The following UBE2D2 variants were observed in gnomAD, a reference collection of about 807,000 sequenced individuals.
The protein encoded by UBE2D2 is ubiquitin-conjugating enzyme E2 D2.
In UBE2D2, 2 loss-of-function variants were observed where a neutral mutation model predicts 24.2. The ratio of observed to expected loss-of-function variants is 0.08; its 90% confidence interval spans 0.03 to 0.26. The LOEUF is 0.26. Ranked by LOEUF, UBE2D2 falls within the 10% of genes least tolerant of loss-of-function variation. The pLI is 1.00. For missense variants in UBE2D2, 44 were observed against 177.6 expected (o/e 0.25, Z 4.28); for synonymous variants, 58 against 56.5 (o/e 1.03, Z -0.12).
At chr5:139,562,488 C>A (rs541080945) in intron 1 of UBE2D2, 14 of 1,242,798 alleles carry the variant, frequency 1.1e-5, no homozygotes, top group Middle Eastern at 2.2e-4. Context: ...GAAACTAACA[C>A]TTCCGTTTTG....
In UBE2D2 at chr5:139,541,316, G is replaced by A. The variant is rs117564055; in HGVS notation, c.-64+14704G>A. 1.8e-3 allele frequency among the ~76,000 whole-genome samples: 264 copies of A among 147,298 alleles called. 2 individuals are homozygous for A. In the East Asian group the frequency reaches 0.046, roughly 26 times the overall value. On this transcript the variant is annotated intron_variant, in intron 1 of 6. Transcript: ENST00000511725. ...CTGTTTCGAAGAAAAAAAAAAAGCG[G>A]GGGGACCGGGCATGGTGGCTCACGC...
chr5:139,533,295 G>T (rs1165537551), intron 1 of UBE2D2, among the ~76,000 whole-genome samples: 2 of 151,750 alleles, frequency 1.3e-5, no homozygotes, highest in African/African-American at 4.8e-5. Context: ...TCATTGAATT[G>T]TACACCTAAA....
chr5:139,547,408 G>A (rs1255756485), intron 1 of UBE2D2, among the ~76,000 whole-genome samples: 3 of 152,148 alleles, frequency 2.0e-5, no homozygotes, highest in Non-Finnish European at 4.4e-5. Context: ...TAGAGACGCG[G>A]TTTCACCATA....
At chr5:139,614,156 T>C (rs1173178066) in intron 2 of UBE2D2, among the ~76,000 whole-genome samples, 1 of 152,154 alleles carries the variant, frequency 6.6e-6, no homozygotes, top group Non-Finnish European at 1.5e-5. Flanking sequence ...AAAGTAGAAC[T>C]GTAAGCCTTG....
At chr5:139,590,980 GA>G (rs1753834848) in intron 1 of UBE2D2, among the ~76,000 whole-genome samples, 1 of 151,166 alleles carries the variant, frequency 6.6e-6, no homozygotes, top group African/African-American at 2.4e-5. Flanking sequence ...TTTTAGTAGA[GA>G]GGGGGGCGTT....
intron 1 of UBE2D2, among the ~76,000 whole-genome samples, chr5:139,552,046 CT>C (rs1752926335): frequency 6.6e-6 from 1 of 152,150 alleles, no homozygotes; most frequent in Admixed American, 6.6e-5. Context: ...AGTATAATTC[CT>C]TGGATAAACC....
chr5:139,548,147 G>A (rs145240762), intron 1 of UBE2D2, among the ~76,000 whole-genome samples: 61,732 of 101,162 alleles, frequency 0.61, 16,318 homozygotes, highest in African/African-American at 0.78. Flanking sequence ...CTGGGCGACA[G>A]AGCGAGACTC....
chr5:139,570,637 G>T (rs768714694), intron 1 of UBE2D2, among the ~76,000 whole-genome samples: 1 of 152,178 alleles, frequency 6.6e-6, no homozygotes, highest in Non-Finnish European at 1.5e-5. Context: ...TCAGCCTCCA[G>T]AGTAGCTGAG....
intron 1 of UBE2D2, among the ~76,000 whole-genome samples, chr5:139,577,792 G>A (rs1753511377): frequency 2.6e-5 from 4 of 152,122 alleles, no homozygotes; most frequent in Admixed American, 2.6e-4. Context: ...CCAAGTTAAT[G>A]ATACTAGCAT....
chr5:139,552,163 C>CTT (rs374137107), intron 1 of UBE2D2, among the ~76,000 whole-genome samples: 53 of 142,648 alleles, frequency 3.7e-4, no homozygotes, highest in South Asian at 4.5e-4. Context: ...TAATAGCTAA[C>CTT]TTTTTTTTTT....
chr5:139,551,171 C>G lies in UBE2D2; in HGVS notation c.-64+24559C>G, dbSNP rs995684109. On this transcript the variant is annotated intron_variant, in intron 1 of 6. Transcript: ENST00000511725. Reference sequence around the variant, plus strand: ...ACCAGCCTGGCCAATATAGTGAAACCCCATCTCTACTGAAATTACAAAAAA... The same window carrying G: ...ACCAGCCTGGCCAATATAGTGAAACGCCATCTCTACTGAAATTACAAAAAA... 2.6e-5 allele frequency among the ~76,000 whole-genome samples: 4 copies of G among 152,120 alleles called. No individual in the cohort carries two copies. The East Asian group carries it at 7.7e-4, about 29-fold the overall frequency.
chr5:139,588,873 C>T (rs887093517), intron 1 of UBE2D2, among the ~76,000 whole-genome samples: 8 of 152,126 alleles, frequency 5.3e-5, no homozygotes, highest in African/African-American at 1.9e-4. Flanking sequence ...AGTGATCCTC[C>T]CAGTTGTAGA....
intron 1 of UBE2D2, among the ~76,000 whole-genome samples, chr5:139,565,935 CT>C (rs777333577): frequency 6.6e-6 from 1 of 152,074 alleles, no homozygotes; most frequent in Non-Finnish European, 1.5e-5. Flanking sequence ...TGGTGTCCTA[CT>C]AGTTGCAGAT....
At chr5:139,571,126 C>A (rs115324776) in intron 1 of UBE2D2, among the ~76,000 whole-genome samples, 4 of 151,730 alleles carry the variant, frequency 2.6e-5, no homozygotes, top group African/African-American at 9.7e-5. Flanking sequence ...AACAACAGAT[C>A]GGCTGGGCGC....
At chr5:139,527,977 T>A (rs2126624148) in intron 1 of UBE2D2, among the ~76,000 whole-genome samples, 1 of 152,358 alleles carries the variant, frequency 6.6e-6, no homozygotes, top group South Asian at 2.1e-4. Flanking sequence ...GACTGCATGG[T>A]AGCTCTTTTC....
At chr5:139,613,714 C>G (rs1581530151) in intron 2 of UBE2D2, among the ~76,000 whole-genome samples, 1 of 151,924 alleles carries the variant, frequency 6.6e-6, no homozygotes, top group East Asian at 1.9e-4. Flanking sequence ...ATTTTTTCTC[C>G]TTGTTAAAAC....
At chr5:139,543,502 T>G (rs1221863658) in intron 1 of UBE2D2, among the ~76,000 whole-genome samples, 1 of 152,218 alleles carries the variant, frequency 6.6e-6, no homozygotes, top group East Asian at 1.9e-4. Flanking sequence ...GGAAGGGCGC[T>G]GTTCTGGTTG....
chr5:139,545,529 T>G (rs923887326), intron 1 of UBE2D2, among the ~76,000 whole-genome samples: 44 of 151,744 alleles, frequency 2.9e-4, no homozygotes, highest in African/African-American at 9.9e-4. Flanking sequence ...CGGGTTCAAG[T>G]AGTTCTCTGC....
intron 1 of UBE2D2, among the ~76,000 whole-genome samples, chr5:139,567,152 TGCAGTG>T (rs1432112790): frequency 6.6e-6 from 1 of 152,170 alleles, no homozygotes; most frequent in Non-Finnish European, 1.5e-5. Flanking sequence ...CAGGCTGGAG[TGCAGTG>T]GCATGATCTC....
Sources: gnomAD v4.1 joint callset for allele counts (sites outside exome capture counted in the v4.1 genomes callset) on GRCh38, gnomAD v4.1.1 for gene constraint, MANE v1.5 for transcripts, NCBI Gene and HGNC (gene_info 2026-07-23, HGNC 2026-07-21) for gene names.